Variants in DHX33 observed in about 807,000 individuals in gnomAD.
The protein encoded by DHX33 is ATP-dependent RNA helicase DHX33.
Under a neutral mutation model 72.5 loss-of-function variants are expected in DHX33, and 42 were observed. The observed-to-expected ratio is 0.58, with a 90% CI of 0.45 to 0.75. The LOEUF (loss-of-function observed/expected upper bound fraction) is 0.75, where lower values mean the gene tolerates loss of function less well. Ranked by LOEUF, DHX33 falls within the 30% of genes least tolerant of loss-of-function variation. The probability of loss-of-function intolerance (pLI) is 0.00; values close to 1 mark genes in which losing one functional copy is unlikely to be tolerated. For missense variants in DHX33, 842 were observed against 917.5 expected, an observed-to-expected ratio of 0.92 and a Z score of 1.06; for synonymous variants, 358 against 366.1, an observed-to-expected ratio of 0.98 and a Z score of 0.25.
intron 10 of DHX33, among the ~76,000 whole-genome samples, chr17:5,449,597 C>T (rs1052387001): frequency 3.9e-5 from 6 of 152,096 alleles, no homozygotes; most frequent in Admixed American, 6.5e-5. Flanking sequence ...CAACCACGCC[C>T]GGCTAATTCT....
At chr17:5,464,550 C>T (rs1904785706) in intron 1 of DHX33, among the ~76,000 whole-genome samples, 1 of 151,924 alleles carries the variant, frequency 6.6e-6, no homozygotes, top group African/African-American at 2.4e-5. Flanking sequence ...TCCCTTGACC[C>T]ACAATTCTAC....
Position 5,453,989 on chromosome 17 carries a change from A to G in DHX33, c.1148-9T>C, listed in dbSNP as rs769538519. On this transcript the variant is annotated splice_polypyrimidine_tract_variant and intron_variant, in intron 6 of 11. Coordinates refer to ENST00000225296, the MANE Select transcript of DHX33 (RefSeq NM_020162.4). ...CACCTCAAGACCACTGTCTGGATGG[A>G]GAGTGAGCCCCATTAGTGCTTCATC... The G allele has an allele frequency of 2.5e-6, 4 of 1,612,694 alleles. No individual in the cohort carries two copies. The East Asian group carries it at 8.9e-5, about 36-fold the overall frequency.
rs775940090 is a variant in DHX33 at position 5,444,266 on chromosome 17, T to C, written c.2063A>G (p.Gln688Arg). Residue 688 changes from glutamine (Q) to arginine (R), a missense_variant, in exon 12 of 12, where the codon CAG becomes CGG. Physicochemically the swap from Gln to Arg is conservative, Grantham distance 43. Coordinates refer to ENST00000225296, the MANE Select transcript of DHX33 (RefSeq NM_020162.4). The surrounding 1 kb of genome is among the most constrained non-coding windows in gnomAD (Gnocchi z 4.9). ...CTCAGGGGCAGCCTCGTACAGCCAC[T>C]GTGCATCTATGACGCAGAGGTCCCG... ...YMRDLCVIDA[Q>R]WLYEAAPEYF... 1.2e-6 allele frequency: 2 copies of C among 1,614,238 alleles called. No homozygotes were observed. The highest frequency in any genetic ancestry group is 1.7e-6 in the Non-Finnish European group (2 of 1,180,038).
At position 5,441,398 on chromosome 17, in the gene DHX33, A is replaced by G. The variant is rs1347126196; in HGVS notation, c.*2807T>C. ...CACCTGAGGCATGCAATCTGCTTGG[A>G]GTGCATCTATTTACATGAAGCTGCT... On this transcript the variant is annotated 3_prime_UTR_variant, in exon 12 of 12. Transcript: ENST00000225296. 2.6e-5 allele frequency: 4 copies of G among 152,170 alleles called. No individual in the cohort carries two copies. Among genetic ancestry groups the G allele is most frequent in the Admixed American group, 2.6e-4 (4 of 15,272 alleles). 9.4% of individuals were successfully genotyped at this position (152,170 alleles called of 1,614,324 possible).
intron 11 of DHX33, 148 bp downstream of exon 11, chr17:5,448,661 A>T (rs555180558): frequency 2.0e-6 from 1 of 491,076 alleles, no homozygotes; most frequent in Non-Finnish European, 3.5e-6. Flanking sequence ...GAATTGTGGA[A>T]TTGTGGGTAA....
intron 4 of DHX33, among the ~76,000 whole-genome samples, chr17:5,456,498 T>A (rs975233786): frequency 1.6e-4 from 25 of 152,214 alleles, no homozygotes; most frequent in South Asian, 6.2e-4. Flanking sequence ...CACTTTTTTT[T>A]AAATTGGTCA....
chr17:5,444,313 G>C lies in DHX33; in HGVS notation c.2016C>G (p.Leu672=). ...CCCGCATGTAGCACTTGTTGGTGTA[G>C]AGCAGCTCAGTGTACACGACGCAGG... The part of the protein sequence containing the change: ...KPACVVYTEL[L]YTNKCYMRDL... The change falls in exon 12 of 12, where the codon CTC becomes CTG. Residue 672 remains leucine (L), a synonymous_variant. Transcript: ENST00000225296. This position sits in a 1 kb window ranked among gnomAD's most constrained non-coding sequence, Gnocchi z 4.9. 1 of 1,614,150 alleles carries C rather than the reference G, an allele frequency of 6.2e-7. No individual in the cohort carries two copies. The highest frequency in any genetic ancestry group is 2.2e-5 in the East Asian group (1 of 44,882).
intron 11 of DHX33, among the ~76,000 whole-genome samples, chr17:5,446,979 C>A (rs1916681254): frequency 2.0e-5 from 3 of 152,336 alleles, no homozygotes; most frequent in Middle Eastern, 3.4e-3. Context: ...GCATCAGACA[C>A]AGGCCTGGGT....
intron 10 of DHX33, among the ~76,000 whole-genome samples, chr17:5,449,528 C>T (rs1270014244): frequency 6.6e-6 from 1 of 152,204 alleles, no homozygotes; most frequent in Non-Finnish European, 1.5e-5. Flanking sequence ...CCTCTGCCTC[C>T]CAGGTTCAAA....
chr17:5,462,424 G>A lies in DHX33; in HGVS notation c.573C>T (p.Val191=). 1 of 1,614,194 alleles carries A rather than the reference G, an allele frequency of 6.2e-7. No homozygotes were observed. Residue 191 remains valine (V), a synonymous_variant, in exon 3 of 12, where the codon GTC becomes GTT. Coordinates refer to ENST00000225296, the MANE Select transcript of DHX33 (RefSeq NM_020162.4). The part of the protein sequence containing the change: ...SDSLLRKYSC[V]ILDEAHERTI... ...TCCGTTCGTGAGCTTCATCCAAAAT[G>A]ACACAGCTGTATTTCCGAAGCAAAG...
chr17:5,462,839 G>A (rs993490331), intron 2 of DHX33, among the ~76,000 whole-genome samples: 3 of 152,118 alleles, frequency 2.0e-5, no homozygotes, highest in Non-Finnish European at 4.4e-5. Flanking sequence ...CAGCACTTTG[G>A]GAGGTTGGGG....
At chr17:5,462,061 AC>A (rs1270479786) in intron 3 of DHX33, among the ~76,000 whole-genome samples, 6 of 144,264 alleles carry the variant, frequency 4.2e-5, no homozygotes, top group Non-Finnish European at 9.0e-5. Flanking sequence ...TGCCTCAGCC[AC>A]CCAAGTAGCT....
At chr17:5,460,296 G>A (rs1343771350) in intron 4 of DHX33, among the ~76,000 whole-genome samples, 2 of 152,088 alleles carry the variant, frequency 1.3e-5, no homozygotes, top group African/African-American at 4.8e-5. Flanking sequence ...TTACAGGCGT[G>A]AGCCACTGTG....
At chr17:5,462,906 CGT>C (rs1904707822) in intron 2 of DHX33, among the ~76,000 whole-genome samples, 1 of 151,898 alleles carries the variant, frequency 6.6e-6, no homozygotes, top group Non-Finnish European at 1.5e-5. Flanking sequence ...GCTGAAATCC[CGT>C]CTCTACTAAA....
chr17:5,445,816 C>A (rs1000835713), intron 11 of DHX33, among the ~76,000 whole-genome samples: 1 of 152,132 alleles, frequency 6.6e-6, no homozygotes, highest in Non-Finnish European at 1.5e-5. Context: ...GAGAAAGTGG[C>A]GGGCCTGGCT....
At position 5,468,943 on chromosome 17, in the gene DHX33, C is replaced by T. The variant is rs1355375734; in HGVS notation, c.-84G>A. ...TGCAGACAACAGGAGCACACCGCCC[C>T]TTCCTCGCCGCCACGTGCTGGCGGC... On this transcript the variant is annotated 5_prime_UTR_variant, in exon 1 of 12. Transcript: ENST00000225296. 11 of 1,388,268 alleles carry T rather than the reference C, an allele frequency of 7.9e-6. No homozygotes were observed. In the East Asian group the frequency reaches 2.2e-4, roughly 27 times the overall value. The allele number at this position is 1,388,268 out of a possible 1,614,324, so 86.0% of individuals were successfully genotyped here.
intron 3 of DHX33, among the ~76,000 whole-genome samples, chr17:5,462,064 C>G (rs937236487): frequency 3.3e-5 from 5 of 151,332 alleles, no homozygotes; most frequent in Non-Finnish European, 7.4e-5. Flanking sequence ...CTCAGCCACC[C>G]AAGTAGCTGG....
At chr17:5,460,661 C>A (rs1490564612) in intron 4 of DHX33, among the ~76,000 whole-genome samples, 1 of 152,112 alleles carries the variant, frequency 6.6e-6, no homozygotes, top group East Asian at 1.9e-4. Flanking sequence ...CACCCGCCAT[C>A]ATGCCTGGCT....
In DHX33 at chr17:5,450,271, A is replaced by T. The variant is rs1366084366; in HGVS notation, c.1660T>A (p.Ser554Thr). The change falls in exon 10 of 12, where the codon TCC becomes ACC. Residue 554 changes from serine to threonine, a missense_variant. Ser to Thr is a moderately conservative substitution (Grantham distance 58). Coordinates refer to ENST00000225296, the MANE Select transcript of DHX33 (RefSeq NM_020162.4). ...AGGGTCATGTGATCCCCCTCGCTGG[A>T]TATGAACTTCTTGCGGACCCCTTGC... ...EVQGVRKKFI[S>T]SEGDHMTLLN... 1 of 1,614,208 alleles carries T rather than the reference A, an allele frequency of 6.2e-7. No homozygotes were observed. Among genetic ancestry groups the T allele is most frequent in the South Asian group, 1.1e-5 (1 of 91,078 alleles).
Sources: allele counts gnomAD v4.1 joint callset (sites outside exome capture counted in the v4.1 genomes callset), GRCh38; gene constraint gnomAD v4.1.1; non-coding constraint Gnocchi (gnomAD v3.1); transcripts MANE v1.5; gene names NCBI Gene and HGNC (gene_info 2026-07-23, HGNC 2026-07-21).